The following ALG9 variants were observed in gnomAD, a reference collection of about 807,000 sequenced individuals.
The protein encoded by ALG9 is alpha-1,2-mannosyltransferase ALG9.
A neutral mutation model predicts 81.8 loss-of-function variants in ALG9; 55 were observed. The observed-to-expected ratio is 0.67, with a 90% CI of 0.54 to 0.84. The LOEUF is 0.84. Ranked by LOEUF, ALG9 falls within the 40% of genes least tolerant of loss-of-function variation. ALG9 has a pLI of 0.00. For synonymous variants in ALG9, 278 were observed against 274.3 expected (o/e 1.01, Z -0.13); for missense variants, 629 against 745.0 (o/e 0.84, Z 1.81).
intron 8 of ALG9, among the ~76,000 whole-genome samples, chr11:111,848,113 T>C (rs1957191492): frequency 6.6e-6 from 1 of 152,180 alleles, no homozygotes; most frequent in African/African-American, 2.4e-5. Context: ...ATGTGGCATA[T>C]TCCCCACCAT....
intron 6 of ALG9, among the ~76,000 whole-genome samples, chr11:111,854,463 G>T (rs1351223554): frequency 6.6e-6 from 1 of 151,936 alleles, no homozygotes; most frequent in Non-Finnish European, 1.5e-5. Context: ...TAGAGACAGG[G>T]TTTCACCATG....
downstream of ALG9, among the ~76,000 whole-genome samples, chr11:111,779,520 T>C (rs188328640): frequency 5.9e-5 from 9 of 152,120 alleles, no homozygotes; most frequent in East Asian, 7.7e-4. Flanking sequence ...TATGTATATT[T>C]TTACATATAG....
chr11:111,856,985 T>C (rs1201549309), intron 6 of ALG9, among the ~76,000 whole-genome samples: 1 of 152,184 alleles, frequency 6.6e-6, no homozygotes, highest in African/African-American at 2.4e-5. Context: ...CGCACGCCTG[T>C]AGCCCCAGCT....
chr11:111,857,502 GA>G, intron 6 of ALG9, 99 bp downstream of exon 6: 1 of 1,513,056 alleles, frequency 6.6e-7, no homozygotes, highest in Non-Finnish European at 9.1e-7. Context: ...AAGCCCAATT[GA>G]TTAACTTCAG....
rs561599023 is a variant in ALG9 at position 111,793,830 on chromosome 11, C to T, written c.1734-7310G>A. ...ACATGTGCCTGCACACATTTATACACATGGAAACAAAGATCAGACTGATTC... is the reference window on the plus strand; with the variant it reads ...ACATGTGCCTGCACACATTTATACATATGGAAACAAAGATCAGACTGATTC... On this transcript the variant is annotated intron_variant, in intron 14 of 14. Coordinates refer to ENST00000616540, the MANE Select transcript of ALG9 (RefSeq NM_024740.2). Among the ~76,000 whole-genome samples the T allele has an allele frequency of 4.9e-4, 74 of 151,292 alleles. 1 individual carries two copies. Among genetic ancestry groups the T allele is most frequent in the Non-Finnish European group, 8.1e-4 (55 of 67,924 alleles).
At position 111,826,109 on chromosome 11, in the gene ALG9, G is replaced by A. The variant is rs1265540222; in HGVS notation, c.1602+10056C>T. 7.9e-5 allele frequency among the ~76,000 whole-genome samples: 7 copies of A among 88,986 alleles called. No individual in the cohort carries two copies. The East Asian group carries it at 2.7e-3, about 35-fold the overall frequency. 58.4% of individuals were successfully genotyped at this position (88,986 alleles called of 152,430 possible). ...TAATAATAATAATAATATGCGGCCA[G>A]GTGCAGTGGCACATGCCTGTAATCC... is the stretch of plus-strand genomic sequence containing the variant. On this transcript the variant is annotated intron_variant, in intron 13 of 14. Coordinates refer to ENST00000616540, the MANE Select transcript of ALG9 (RefSeq NM_024740.2).
At chr11:111,856,276 C>CAAAAAAAA (rs1175162630) in intron 6 of ALG9, among the ~76,000 whole-genome samples, 5 of 38,566 alleles carry the variant, frequency 1.3e-4, no homozygotes, top group Non-Finnish European at 1.9e-4. Flanking sequence ...GACTCCATCT[C>CAAAAAAAA]AAAAAAAAAA....
chr11:111,842,829 C>T (rs927375073), intron 9 of ALG9, among the ~76,000 whole-genome samples: 10 of 152,288 alleles, frequency 6.6e-5, no homozygotes, highest in African/African-American at 1.7e-4. Context: ...ATACATTATG[C>T]ATTTTAAACC....
At chr11:111,838,837 G>GA (rs1367199362) in intron 10 of ALG9, among the ~76,000 whole-genome samples, 3 of 151,898 alleles carry the variant, frequency 2.0e-5, no homozygotes, top group Admixed American at 1.3e-4. Flanking sequence ...TCCCCTTATA[G>GA]AACACTAGGA....
chr11:111,806,202 T>C (rs1949908354), intron 14 of ALG9, among the ~76,000 whole-genome samples: 1 of 152,116 alleles, frequency 6.6e-6, no homozygotes, highest in Non-Finnish European at 1.5e-5. Context: ...TCTCTAGTTA[T>C]CACTTTTCCT....
chr11:111,838,395 C>G lies in ALG9; in HGVS notation c.1178G>C (p.Ser393Thr), dbSNP rs782333169. ...GTAACATTTCTGGAAGTACAGAAAA[C>G]TGTGCTGATAAAAGAAAATATAATT... is the stretch of plus-strand genomic sequence containing the variant. Reference protein sequence around the residue: ...GAVALSALQHSFLYFQKCYHF... With the variant: ...GAVALSALQHTFLYFQKCYHF... The change falls in exon 11 of 15, where the codon AGT becomes ACT. Residue 393 changes from serine (S) to threonine (T), a missense_variant. Physicochemically the swap from Ser to Thr is moderately conservative, Grantham distance 58. Coordinates refer to ENST00000616540, the MANE Select transcript of ALG9 (RefSeq NM_024740.2). 6.2e-7 allele frequency: 1 copy of G among 1,610,200 alleles called. No individual in the cohort carries two copies. The highest frequency in any genetic ancestry group is 2.2e-5 in the East Asian group (1 of 44,840).
intron 13 of ALG9, among the ~76,000 whole-genome samples, chr11:111,819,039 T>C (rs1204363580): frequency 2.0e-5 from 3 of 152,062 alleles, no homozygotes; most frequent in Non-Finnish European, 4.4e-5. Context: ...GTTTTGAAAA[T>C]CTGGGTGAAG....
chr11:111,815,365 T>C lies in ALG9; in HGVS notation c.1603-5592A>G, dbSNP rs1951325755. On this transcript the variant is annotated intron_variant, in intron 13 of 14. Transcript: ENST00000616540. ...GGCTACAGTGAGCTGATTGTGCCGC[T>C]GCACTCCAGCCCAGGAAACAGAGCA... Among the ~76,000 whole-genome samples the C allele has an allele frequency of 3.3e-5, 5 of 152,038 alleles. No homozygotes were observed. The South Asian group carries it at 1.0e-3, about 31-fold the overall frequency.
intron 5 of ALG9, among the ~76,000 whole-genome samples, chr11:111,859,485 C>G (rs1232948120): frequency 2.2e-5 from 3 of 138,880 alleles, no homozygotes; most frequent in Non-Finnish European, 4.6e-5. Context: ...CCTGGGCAAA[C>G]AGAGCGAGAC....
intron 14 of ALG9, among the ~76,000 whole-genome samples, chr11:111,787,512 C>T (rs942257122): frequency 2.6e-5 from 4 of 151,680 alleles, no homozygotes; most frequent in Non-Finnish European, 5.9e-5. Context: ...GCTGGAGTGC[C>T]GTGGTGCGAT....
In ALG9 at chr11:111,857,705, T is replaced by A. The variant is rs782508638; in HGVS notation, c.598A>T (p.Thr200Ser). 7.4e-6 allele frequency: 12 copies of A among 1,614,094 alleles called. No homozygotes were observed. The highest frequency in any genetic ancestry group is 1.0e-5 in the Non-Finnish European group (12 of 1,180,010). ...FLPSSFCMYT[T>S]LIAMTGWYMD... ...TACCATCCAGTCATGGCTATCAACG[T>A]AGTGTACATACAGAAGCTACTAGGA... The change falls in exon 6 of 15, where the codon ACG becomes TCG. Residue 200 changes from threonine (T) to serine (S), a missense_variant. Thr to Ser is a moderately conservative substitution (Grantham distance 58). Coordinates refer to ENST00000616540, the MANE Select transcript of ALG9 (RefSeq NM_024740.2).
In ALG9 at chr11:111,870,935, T is replaced by G. The variant is rs191655741; in HGVS notation, c.131+417A>C. On this transcript the variant is annotated intron_variant, in intron 1 of 14. Transcript: ENST00000616540. The stretch of plus-strand genomic sequence containing the variant: ...ATGTTGACAGCTCCCTTAATGCAGT[T>G]CTAACCTGCAGCCTCCAGGGTTTGG... The G allele has an allele frequency of 2.2e-4, 221 of 1,007,936 alleles. No individual in the cohort carries two copies. The African/African-American group carries it at 3.6e-3, about 16-fold the overall frequency. 62.4% of individuals were successfully genotyped at this position (1,007,936 alleles called of 1,614,324 possible). A position where few individuals can be genotyped will look rare whatever the true frequency, so the allele number is the denominator to read the frequency against.
chr11:111,854,441 T>C (rs868974390), intron 6 of ALG9, among the ~76,000 whole-genome samples: 12 of 151,944 alleles, frequency 7.9e-5, no homozygotes, highest in South Asian at 2.1e-4. Context: ...GCTAATTGTT[T>C]TGTATTTTTA....
intron 4 of ALG9, 118 bp downstream of exon 4, chr11:111,865,063 C>G: frequency 1.3e-6 from 1 of 773,812 alleles, no homozygotes; most frequent in Admixed American, 3.3e-5. Context: ...AGGTGTGAGC[C>G]ACCGCACCCG....
Sources: allele counts gnomAD v4.1 joint callset (sites outside exome capture counted in the v4.1 genomes callset), GRCh38; gene constraint gnomAD v4.1.1; transcripts MANE v1.5; gene names NCBI Gene and HGNC (gene_info 2026-07-23, HGNC 2026-07-21).